EMP2: variants seen among roughly 807,000 people sequenced by gnomAD.
The protein encoded by EMP2 is epithelial membrane protein 2.
A neutral mutation model predicts 13.7 loss-of-function variants in EMP2; 19 were observed. The observed-to-expected ratio is 1.38, with a 90% CI of 0.97 to 2.03. The LOEUF (loss-of-function observed/expected upper bound fraction) is 2.03, where lower values mean the gene tolerates loss of function less well. EMP2 is among the 30% of genes most tolerant of loss of function. The pLI, the probability that EMP2 is intolerant of heterozygous loss-of-function variation, is 0.00. For synonymous variants in EMP2, 97 were observed against 84.7 expected (o/e 1.15, Z -0.80); for missense variants, 253 against 220.7 (o/e 1.15, Z -0.93).
chr16:10,548,743 C>G (rs1346193364), intron 1 of EMP2, among the ~76,000 whole-genome samples: 1 of 152,064 alleles, frequency 6.6e-6, no homozygotes, highest in Non-Finnish European at 1.5e-5. Context: ...TAAATACCCA[C>G]TCAGACACCA....
At chr16:10,556,547 G>C (rs2050828971) in intron 1 of EMP2, among the ~76,000 whole-genome samples, 1 of 152,164 alleles carries the variant, frequency 6.6e-6, no homozygotes, top group Non-Finnish European at 1.5e-5. Context: ...CAGGACAGAG[G>C]GGTTCAACAT....
At chr16:10,543,548 A>G (rs748490492) in intron 3 of EMP2, 22 bp downstream of exon 3, 2 of 1,613,346 alleles carry the variant, frequency 1.2e-6, no homozygotes, top group Admixed American at 1.7e-5. Context: ...CTTCTCAGTC[A>G]GCTTCCTTCA....
At chr16:10,566,646 T>C (rs1373837137) in intron 1 of EMP2, among the ~76,000 whole-genome samples, 1 of 152,250 alleles carries the variant, frequency 6.6e-6, no homozygotes, top group East Asian at 1.9e-4. Flanking sequence ...CTGATTCCAG[T>C]TCTGTCTTCA....
chr16:10,538,904 C>G (rs941723256), intron 3 of EMP2, among the ~76,000 whole-genome samples: 1 of 152,178 alleles, frequency 6.6e-6, no homozygotes, highest in African/African-American at 2.4e-5. Flanking sequence ...CAGCCTTGAA[C>G]TCTTGGGCCC....
At chr16:10,533,672 A>T (rs1596366836) in intron 4 of EMP2, among the ~76,000 whole-genome samples, 1 of 152,166 alleles carries the variant, frequency 6.6e-6, no homozygotes, top group Non-Finnish European at 1.5e-5. Flanking sequence ...ATAAGATTTT[A>T]TTTACAAAAA....
chr16:10,533,151 C>A, intron 4 of EMP2, 59 bp from the exon 5 acceptor site: 1 of 1,368,898 alleles, frequency 7.3e-7, no homozygotes, highest in Non-Finnish European at 9.6e-7. Flanking sequence ...CCCTGGGTAG[C>A]CCAGGGGCAT....
At chr16:10,549,880 T>TTCC (rs1348043972) in intron 1 of EMP2, among the ~76,000 whole-genome samples, 29 of 146,538 alleles carry the variant, frequency 2.0e-4, no homozygotes, top group Admixed American at 1.3e-4. Context: ...TTTTTTTCTT[T>TTCC]TTCTTTTTTT....
intron 4 of EMP2, among the ~76,000 whole-genome samples, chr16:10,533,569 G>C (rs2050625134): frequency 6.6e-6 from 1 of 152,146 alleles, no homozygotes; most frequent in Non-Finnish European, 1.5e-5. Flanking sequence ...AAGCAGTTTA[G>C]GTTTTCTGTG....
chr16:10,559,541 C>G (rs964421492), intron 1 of EMP2, among the ~76,000 whole-genome samples: 1 of 152,252 alleles, frequency 6.6e-6, no homozygotes, highest in African/African-American at 2.4e-5. Flanking sequence ...GGAATAATAA[C>G]AACCACAATT....
intron 1 of EMP2, among the ~76,000 whole-genome samples, chr16:10,568,373 T>G (rs1354088359): frequency 6.6e-6 from 1 of 152,132 alleles, no homozygotes; most frequent in Non-Finnish European, 1.5e-5. Context: ...ATGTATATAT[T>G]TATGTATTAT....
chr16:10,557,261 G>A (rs1160773496), intron 1 of EMP2, among the ~76,000 whole-genome samples: 1 of 151,456 alleles, frequency 6.6e-6, no homozygotes, highest in Non-Finnish European at 1.5e-5. Context: ...GGAGGCTGAG[G>A]CATGAGAATC....
At chr16:10,579,408 C>T (rs1596385418) in intron 1 of EMP2, among the ~76,000 whole-genome samples, 2 of 152,038 alleles carry the variant, frequency 1.3e-5, no homozygotes, top group South Asian at 4.2e-4. Context: ...ATCATTTTAA[C>T]CGATGATAAG....
chr16:10,557,993 C>T (rs563283869), intron 1 of EMP2, among the ~76,000 whole-genome samples: 26 of 150,560 alleles, frequency 1.7e-4, no homozygotes, highest in Admixed American at 3.3e-4. Flanking sequence ...GGAAATTCTG[C>T]ACACAAAGTG....
Position 10,551,866 on chromosome 16 carries a change from A to G in EMP2, c.-60-4189T>C, listed in dbSNP as rs371379353. Among the ~76,000 whole-genome samples, 20 of 152,200 alleles carry G rather than the reference A, an allele frequency of 1.3e-4. No individual in the cohort carries two copies. In the East Asian group the frequency reaches 3.7e-3, roughly 28 times the overall value. On this transcript the variant is annotated intron_variant, in intron 1 of 4. Transcript: ENST00000359543. ...CCATTATCCCCCCACGGAATGGATC[A>G]AGGCTCATGGGCTCATACAGGGTCC...
intron 1 of EMP2, among the ~76,000 whole-genome samples, chr16:10,573,930 C>CTTTTT (rs371646297): frequency 8.1e-4 from 67 of 83,212 alleles, no homozygotes; most frequent in African/African-American, 1.2e-3. Flanking sequence ...ATGGATAAAC[C>CTTTTT]TTTTTTTTTT....
At chr16:10,548,740 C>A (rs2050759285) in intron 1 of EMP2, among the ~76,000 whole-genome samples, 1 of 151,802 alleles carries the variant, frequency 6.6e-6, no homozygotes. Context: ...AAATAAATAC[C>A]CACTCAGACA....
At chr16:10,539,749 G>T (rs2050679914) in intron 3 of EMP2, among the ~76,000 whole-genome samples, 1 of 152,112 alleles carries the variant, frequency 6.6e-6, no homozygotes, top group Non-Finnish European at 1.5e-5. Flanking sequence ...AACCCAGCAG[G>T]CTCTACTGAG....
intron 1 of EMP2, among the ~76,000 whole-genome samples, chr16:10,549,376 A>G (rs2050764572): frequency 6.6e-6 from 1 of 152,222 alleles, no homozygotes; most frequent in African/African-American, 2.4e-5. Flanking sequence ...ATAAATGAGG[A>G]AAAAGCATTC....
intron 3 of EMP2, among the ~76,000 whole-genome samples, chr16:10,538,493 G>A (rs577510952): frequency 4.6e-5 from 7 of 152,282 alleles, no homozygotes; most frequent in South Asian, 2.1e-4. Context: ...ATGGACTCAG[G>A]GCTCATGGGA....
Sources: allele counts gnomAD v4.1 joint callset (sites outside exome capture counted in the v4.1 genomes callset), GRCh38; gene constraint gnomAD v4.1.1; transcripts MANE v1.5; gene names NCBI Gene and HGNC (gene_info 2026-07-23, HGNC 2026-07-21).